The following MAF variants were observed in gnomAD, a reference collection of about 807,000 sequenced individuals.
MAF encodes MAF bZIP transcription factor.
MAF carries 10 observed loss-of-function variants against 22.0 expected under a neutral mutation model. That is an observed-to-expected ratio of 0.45 (90% CI 0.28 to 0.77). The LOEUF is 0.77. MAF is among the 30% of genes least tolerant of loss of function. MAF has a pLI of 0.12. For synonymous variants in MAF, 337 were observed against 255.8 expected (o/e 1.32, Z -3.03); for missense variants, 544 against 548.4 (o/e 0.99, Z 0.08).
chr16:79,436,874 G>A, the MAF span, among the ~76,000 whole-genome samples: 5 of 152,232 alleles, frequency 3.3e-5, no homozygotes, highest in Non-Finnish European at 7.3e-5. Flanking sequence ...GCTCGACGCT[G>A]CAACACTTAG....
At chr16:79,531,165 T>C in the MAF span, among the ~76,000 whole-genome samples, 1 of 152,318 alleles carries the variant, frequency 6.6e-6, no homozygotes, top group South Asian at 2.1e-4. Flanking sequence ...CTAGAGCTTG[T>C]ATAAGCATAC....
At chr16:79,312,097 T>C in the MAF span, among the ~76,000 whole-genome samples, 2 of 152,174 alleles carry the variant, frequency 1.3e-5, no homozygotes, top group Admixed American at 6.5e-5. Context: ...CTTTCTTCCC[T>C]TGATCTTCTC....
chr16:79,263,587 G>A, the MAF span, among the ~76,000 whole-genome samples: 4 of 152,124 alleles, frequency 2.6e-5, no homozygotes, highest in Admixed American at 6.5e-5. Flanking sequence ...CTCTTCTTCC[G>A]TTTTCTCTGT....
chr16:79,211,482 A>T, the MAF span: 1 of 1,231,302 alleles, frequency 8.1e-7, no homozygotes. Flanking sequence ...ACCCTTTGCT[A>T]TGCCAAGATC....
chr16:79,414,675 C>T, the MAF span, among the ~76,000 whole-genome samples: 1 of 152,130 alleles, frequency 6.6e-6, no homozygotes, highest in Non-Finnish European at 1.5e-5. Flanking sequence ...ACCAAAGTCT[C>T]AAAGAGATGG....
the MAF span, among the ~76,000 whole-genome samples, chr16:79,328,454 G>A: frequency 6.6e-6 from 1 of 152,290 alleles, no homozygotes; most frequent in East Asian, 1.9e-4. Flanking sequence ...GGGAAACAAT[G>A]GAAGTCACAG....
At chr16:79,386,083 A>T in the MAF span, among the ~76,000 whole-genome samples, 1 of 152,340 alleles carries the variant, frequency 6.6e-6, no homozygotes, top group South Asian at 2.1e-4. Context: ...TAGGTGTATA[A>T]TCAGCAGTCC....
chr16:79,564,811 T>C, the MAF span, among the ~76,000 whole-genome samples: 43 of 152,286 alleles, frequency 2.8e-4, no homozygotes, highest in Admixed American at 8.5e-4. Context: ...AGGCCAACCA[T>C]TGACAGAGGG....
the MAF span, among the ~76,000 whole-genome samples, chr16:79,258,822 A>G: frequency 6.6e-6 from 1 of 152,234 alleles, no homozygotes; most frequent in Admixed American, 6.5e-5. Flanking sequence ...CCCACCCCCA[A>G]GGTCTCTCTG....
the MAF span, among the ~76,000 whole-genome samples, chr16:79,237,209 G>C: frequency 2.6e-5 from 4 of 152,004 alleles, no homozygotes; most frequent in African/African-American, 9.7e-5. Context: ...GTTATGGCAC[G>C]CAGTTGGTGT....
At chr16:79,395,181 G>C in the MAF span, among the ~76,000 whole-genome samples, 5 of 152,326 alleles carry the variant, frequency 3.3e-5, no homozygotes, top group East Asian at 5.8e-4. Context: ...TTTGCGATGA[G>C]GTTGAAGGGG....
At chr16:79,446,362 T>A in the MAF span, among the ~76,000 whole-genome samples, 1 of 152,122 alleles carries the variant, frequency 6.6e-6, no homozygotes, top group African/African-American at 2.4e-5. Flanking sequence ...GCCCCTGCCT[T>A]GCCTAGCTGG....
the MAF span, among the ~76,000 whole-genome samples, chr16:79,215,469 A>C: frequency 6.6e-6 from 1 of 152,200 alleles, no homozygotes; most frequent in Non-Finnish European, 1.5e-5. Context: ...ACGAGAAAGA[A>C]GATATTGGCG....
chr16:79,216,361 G>A, the MAF span, among the ~76,000 whole-genome samples: 2 of 152,154 alleles, frequency 1.3e-5, no homozygotes, highest in African/African-American at 2.4e-5. Context: ...ATATATATGT[G>A]TATATTCACA....
chr16:79,277,864 T>C, the MAF span, among the ~76,000 whole-genome samples: 8 of 152,184 alleles, frequency 5.3e-5, no homozygotes, highest in African/African-American at 1.4e-4. Context: ...GGAGGCATTA[T>C]ATCTGTGCCT....
At chr16:79,318,814 C>G in the MAF span, among the ~76,000 whole-genome samples, 1 of 152,158 alleles carries the variant, frequency 6.6e-6, no homozygotes, top group Admixed American at 6.5e-5. Context: ...CCAGAAAACA[C>G]AGCCTCTGCT....
At chr16:79,286,212 C>A in the MAF span, among the ~76,000 whole-genome samples, 4 of 152,046 alleles carry the variant, frequency 2.6e-5, no homozygotes, top group East Asian at 1.9e-4. Context: ...TGTTTAAAAA[C>A]CGTTTAGAAT....
chr16:79,421,456 T>C, the MAF span, among the ~76,000 whole-genome samples: 2 of 152,216 alleles, frequency 1.3e-5, no homozygotes, highest in Admixed American at 6.5e-5. Flanking sequence ...CAATGTCATG[T>C]AGTTGGATTC....
At chr16:79,301,616 T>A in the MAF span, among the ~76,000 whole-genome samples, 3 of 22,274 alleles carry the variant, frequency 1.3e-4, no homozygotes, top group African/African-American at 4.7e-4. Flanking sequence ...TTAATTTATA[T>A]GCATTTTATT....
Sources: allele counts gnomAD v4.1 joint callset (sites outside exome capture counted in the v4.1 genomes callset), GRCh38; gene constraint gnomAD v4.1.1; transcripts MANE v1.5; gene names NCBI Gene and HGNC (gene_info 2026-07-23, HGNC 2026-07-21).